PRKCH: variants seen among roughly 807,000 people sequenced by gnomAD.
PRKCH encodes protein kinase C eta.
PRKCH carries 28 observed loss-of-function variants against 82.5 expected under a neutral mutation model. That is an observed-to-expected ratio of 0.34 (90% confidence interval 0.25 to 0.47). The LOEUF (loss-of-function observed/expected upper bound fraction) is 0.47, where lower values mean the gene tolerates loss of function less well. Among genes scored for constraint, PRKCH ranks in the 20% least tolerant of loss-of-function variants. The probability of loss-of-function intolerance (pLI) is 1.00; values close to 1 mark genes in which losing one functional copy is unlikely to be tolerated. For synonymous variants in PRKCH, 322 were observed against 327.4 expected, an observed-to-expected ratio of 0.98 and a Z score of 0.18; for missense variants, 705 against 881.8, an observed-to-expected ratio of 0.80 and a Z score of 2.54.
At chr14:61,492,115 G>A (rs1886473257) in intron 10 of PRKCH, 1 of 152,266 alleles carries the variant, frequency 6.6e-6, no homozygotes, top group Non-Finnish European at 1.5e-5. Flanking sequence ...GTGTGGCAAG[G>A]TCAGGGGTTT....
At chr14:61,504,305 C>T (rs1887045869) in intron 10 of PRKCH, among the ~76,000 whole-genome samples, 1 of 152,132 alleles carries the variant, frequency 6.6e-6, no homozygotes, top group Non-Finnish European at 1.5e-5. Flanking sequence ...TTTCCTGCTT[C>T]AGCCTCCTGA....
intron 9 of PRKCH, among the ~76,000 whole-genome samples, chr14:61,480,852 C>A (rs1336695025): frequency 6.6e-6 from 1 of 152,192 alleles, no homozygotes; most frequent in Non-Finnish European, 1.5e-5. Flanking sequence ...AACCTGCCTG[C>A]CTTCGCAGTC....
In PRKCH at chr14:61,547,876, G is replaced by A; in HGVS notation, c.1895G>A (p.Arg632Lys). ...LNHRQIEPPF[R>K]PRIKSREDVS... ...CATCGCCAAATAGAACCGCCTTTCA[G>A]ACCCAGAATCGTAAGTGTCCCAGGC... Residue 632 changes from arginine (R) to lysine (K), a missense_variant, in exon 13 of 14, where the codon AGA (arginine) becomes AAA (lysine). Physicochemically the swap from Arg to Lys is conservative, Grantham distance 26. Transcript: ENST00000332981. 1 of 1,613,772 alleles carries A rather than the reference G, an allele frequency of 6.2e-7. No individual in the cohort carries two copies. The highest frequency in any genetic ancestry group is 8.5e-7 in the Non-Finnish European group (1 of 1,179,790).
chr14:61,511,387 G>C (rs930980927), intron 10 of PRKCH, among the ~76,000 whole-genome samples: 1 of 152,094 alleles, frequency 6.6e-6, no homozygotes, highest in Non-Finnish European at 1.5e-5. Flanking sequence ...AGGGCACCCT[G>C]CCAGGCAAGT....
chr14:61,372,646 C>A (rs1029853750), intron 1 of PRKCH, among the ~76,000 whole-genome samples: 1 of 152,012 alleles, frequency 6.6e-6, no homozygotes, highest in African/African-American at 2.4e-5. Flanking sequence ...GATCTAGAGT[C>A]CATACTCATT....
At chr14:61,545,980 A>T (rs2043252473) in intron 12 of PRKCH, among the ~76,000 whole-genome samples, 1 of 152,174 alleles carries the variant, frequency 6.6e-6, no homozygotes, top group Admixed American at 6.5e-5. Flanking sequence ...AGGCCTGGGA[A>T]TTTCCCACAG....
At chr14:61,383,745 G>A (rs973016019) in intron 1 of PRKCH, among the ~76,000 whole-genome samples, 31 of 152,046 alleles carry the variant, frequency 2.0e-4, no homozygotes, top group Admixed American at 9.2e-4. Context: ...CAGAGAACAC[G>A]GCATGAGCAA....
intron 1 of PRKCH, among the ~76,000 whole-genome samples, chr14:61,199,093 C>T (rs974236762): frequency 6.6e-6 from 1 of 152,094 alleles, no homozygotes; most frequent in Admixed American, 6.5e-5. Flanking sequence ...ATGTGTCTAA[C>T]TCCAAAAAAT....
intron 1 of PRKCH, among the ~76,000 whole-genome samples, chr14:61,356,573 C>A (rs1419603532): frequency 1.3e-5 from 2 of 152,050 alleles, no homozygotes; most frequent in Non-Finnish European, 2.9e-5. Flanking sequence ...TAGTAAGAGT[C>A]AAGGGATTGA....
rs140954735 is a variant in PRKCH, at chr14:61,506,222, G to A, written c.1433+20566G>A. Among the ~76,000 whole-genome samples the A allele has an allele frequency of 5.1e-4, 77 of 152,282 alleles. 1 individual carries two copies. The highest frequency in any genetic ancestry group is 1.8e-3 in the African/African-American group (76 of 41,526). ...ACGCAGTTTGGATGACAGAAATACT[G>A]TGCTCAGTGCAATCTACTGGAAAAT... On this transcript the variant is annotated intron_variant, in intron 10 of 13. Coordinates refer to ENST00000332981, the MANE Select transcript of PRKCH (RefSeq NM_006255.5).
intron 1 of PRKCH, among the ~76,000 whole-genome samples, chr14:61,189,135 A>T (rs2044390583): frequency 6.6e-6 from 1 of 152,192 alleles, no homozygotes; most frequent in African/African-American, 2.4e-5. Context: ...TGACTCGCAG[A>T]GCTCCCAGCG....
At chr14:61,226,961 A>G (rs1368601129) in intron 1 of PRKCH, among the ~76,000 whole-genome samples, 1 of 152,180 alleles carries the variant, frequency 6.6e-6, no homozygotes, top group Admixed American at 6.5e-5. Flanking sequence ...TTTCACAGTG[A>G]AAGTCCTGGT....
chr14:61,242,803 T>A (rs892248398), intron 1 of PRKCH, among the ~76,000 whole-genome samples: 1 of 152,194 alleles, frequency 6.6e-6, no homozygotes, highest in African/African-American at 2.4e-5. Context: ...TATAATTTTA[T>A]AATTTTAATT....
At chr14:61,341,625 C>G (rs998324108) in intron 1 of PRKCH, among the ~76,000 whole-genome samples, 1 of 152,062 alleles carries the variant, frequency 6.6e-6, no homozygotes, top group African/African-American at 2.4e-5. Context: ...GGAATGGGTA[C>G]GGGATAGTAG....
intron 1 of PRKCH, among the ~76,000 whole-genome samples, chr14:61,207,264 G>C (rs2044534259): frequency 6.6e-6 from 1 of 152,148 alleles, no homozygotes; most frequent in Admixed American, 6.5e-5. Context: ...TGGCATCTGA[G>C]GTCTGACTGG....
chr14:61,347,389 C>T (rs934916709), intron 1 of PRKCH, among the ~76,000 whole-genome samples: 3 of 152,176 alleles, frequency 2.0e-5, no homozygotes, highest in Admixed American at 6.5e-5. Flanking sequence ...TTCATGCTTT[C>T]GTTCCTCCTT....
At chr14:61,300,581 G>A (rs114267106) in intron 1 of PRKCH, among the ~76,000 whole-genome samples, 188 of 152,326 alleles carry the variant, frequency 1.2e-3, no homozygotes, top group African/African-American at 4.1e-3. Context: ...AATTTAAATC[G>A]TCATTGATAT....
intron 1 of PRKCH, among the ~76,000 whole-genome samples, chr14:61,253,816 T>A (rs180985173): frequency 6.6e-6 from 1 of 152,292 alleles, no homozygotes; most frequent in East Asian, 1.9e-4. Context: ...CTGCAAAGTG[T>A]TACTAGGAGA....
intron 2 of PRKCH, among the ~76,000 whole-genome samples, chr14:61,402,876 TTTTA>T (rs1419173281): frequency 6.6e-5 from 10 of 151,534 alleles, no homozygotes; most frequent in South Asian, 2.1e-4. Flanking sequence ...TTTATTTTAT[TTTTA>T]TTTATTATTA....
Sources: allele counts gnomAD v4.1 joint callset (sites outside exome capture counted in the v4.1 genomes callset), GRCh38; gene constraint gnomAD v4.1.1; transcripts MANE v1.5; gene names NCBI Gene and HGNC (gene_info 2026-07-23, HGNC 2026-07-21).